UGT1A10: variants seen among roughly 807,000 people sequenced by gnomAD.
The protein encoded by UGT1A10 is UDP glucuronosyltransferase family 1 member A10, also known as UDP-glucuronosyltransferase 1A10.
Under a neutral mutation model 45.8 loss-of-function variants are expected in UGT1A10, and 49 were observed. That is an observed-to-expected ratio of 1.07 (90% CI 0.85 to 1.36). The LOEUF is 1.36. UGT1A10 is among the 40% of genes most tolerant of loss of function. The probability of loss-of-function intolerance (pLI) is 0.00; values close to 1 mark genes in which losing one functional copy is unlikely to be tolerated. For synonymous variants in UGT1A10, 284 were observed against 249.7 expected (o/e 1.14, Z -1.29); for missense variants, 745 against 668.6 (o/e 1.11, Z -1.26).
chr2:233,772,862 C>A lies in UGT1A10; in HGVS notation c.*303C>A. 1 of 682,608 alleles carries A rather than the reference C, an allele frequency of 1.5e-6. No homozygotes were observed. The highest frequency in any genetic ancestry group is 2.2e-6 in the Non-Finnish European group (1 of 464,492). 42.3% of individuals were successfully genotyped at this position (682,608 alleles called of 1,614,324 possible). A position where few individuals can be genotyped will look rare whatever the true frequency, so the allele number is the denominator to read the frequency against. On this transcript the variant is annotated 3_prime_UTR_variant, in exon 5 of 5. Coordinates refer to ENST00000344644, the MANE Select transcript of UGT1A10 (RefSeq NM_019075.4). ...TTACTTTTCTTACTCTGAAACATGGCCTGTTTGGGAGTGCGGGATTCAAAG... is the reference window on the plus strand; with the variant it reads ...TTACTTTTCTTACTCTGAAACATGGACTGTTTGGGAGTGCGGGATTCAAAG...
chr2:233,638,613 C>T (rs987978264), intron 1 of UGT1A10, among the ~76,000 whole-genome samples: 4 of 152,130 alleles, frequency 2.6e-5, no homozygotes, highest in East Asian at 1.9e-4. Flanking sequence ...TCTTGGCAAA[C>T]GCATAGTTGC....
At chr2:233,714,647 C>A (rs886443122) in intron 1 of UGT1A10, among the ~76,000 whole-genome samples, 1 of 152,174 alleles carries the variant, frequency 6.6e-6, no homozygotes, top group African/African-American at 2.4e-5. Flanking sequence ...GTGAATAATG[C>A]ATTTTATTTA....
chr2:233,728,571 T>C lies in UGT1A10; in HGVS notation c.856-38463T>C, dbSNP rs61764026. 1.2e-3 allele frequency among the ~76,000 whole-genome samples: 176 copies of C among 152,316 alleles called. 7 individuals carry two copies. The East Asian group carries it at 0.026, about 22-fold the overall frequency. ...CTGATCCTTACAAGAAATATCCTGGTGCGAAAAACGACCAAAACCACATAG... is the reference window on the plus strand; with the variant it reads ...CTGATCCTTACAAGAAATATCCTGGCGCGAAAAACGACCAAAACCACATAG... On this transcript the variant is annotated intron_variant, in intron 1 of 4. Coordinates refer to ENST00000344644, the MANE Select transcript of UGT1A10 (RefSeq NM_019075.4).
In UGT1A10 at chr2:233,767,949, G is replaced by A. The variant is rs569380768; in HGVS notation, c.1075+13G>A. 2 of 1,614,196 alleles carry A rather than the reference G, an allele frequency of 1.2e-6. No homozygotes were observed. Among genetic ancestry groups the A allele is most frequent in the East Asian group, 2.2e-5 (1 of 44,890 alleles). On this transcript the variant is annotated intron_variant, in intron 3 of 4. Coordinates refer to ENST00000344644, the MANE Select transcript of UGT1A10 (RefSeq NM_019075.4). ...AACGATCTGCTTGGTATGTTGGGCG[G>A]ATTGGATGTATAGGTCAAACCAGGG...
intron 1 of UGT1A10, among the ~76,000 whole-genome samples, chr2:233,685,269 G>A (rs2074731208): frequency 2.0e-5 from 3 of 152,132 alleles, no homozygotes; most frequent in Non-Finnish European, 4.4e-5. Context: ...CTGACCTCAA[G>A]TGATCCGCCC....
intron 1 of UGT1A10, among the ~76,000 whole-genome samples, chr2:233,712,196 T>C (rs2076218375): frequency 6.6e-6 from 1 of 152,214 alleles, no homozygotes; most frequent in Non-Finnish European, 1.5e-5. Flanking sequence ...GCTCCCCCGG[T>C]CCCTTGGTGA....
At chr2:233,698,965 A>G (rs2075473391) in intron 1 of UGT1A10, among the ~76,000 whole-genome samples, 1 of 152,180 alleles carries the variant, frequency 6.6e-6, no homozygotes, top group Admixed American at 6.5e-5. Context: ...GCCCTTGGGG[A>G]AGCCCTTTGG....
chr2:233,650,019 G>A (rs573374900), intron 1 of UGT1A10, among the ~76,000 whole-genome samples: 1 of 152,272 alleles, frequency 6.6e-6, no homozygotes, highest in East Asian at 1.9e-4. Context: ...TGTCGAGGCT[G>A]GGGTGCAATG....
intron 1 of UGT1A10, among the ~76,000 whole-genome samples, chr2:233,757,535 A>AATATATATACAT (rs376887521): frequency 1.6e-4 from 14 of 88,310 alleles, no homozygotes; most frequent in Middle Eastern, 5.7e-3. Flanking sequence ...GCCTGTAAGG[A>AATATATATACAT]ATATATATAT....
At chr2:233,661,631 CTTT>C (rs2073967792) in intron 1 of UGT1A10, among the ~76,000 whole-genome samples, 1 of 122,328 alleles carries the variant, frequency 8.2e-6, no homozygotes, top group African/African-American at 2.8e-5. Flanking sequence ...AATTTTCTTT[CTTT>C]CTTTCTTTCT....
chr2:233,712,982 T>C, intron 1 of UGT1A10: 2 of 1,613,208 alleles, frequency 1.2e-6, no homozygotes, highest in Non-Finnish European at 1.7e-6. Context: ...TGTCGGTGGC[T>C]TCTGCTGAGA....
At chr2:233,750,498 C>T (rs1361187436) in intron 1 of UGT1A10, 1 of 151,938 alleles carries the variant, frequency 6.6e-6, no homozygotes, top group Non-Finnish European at 1.5e-5. Flanking sequence ...TAAGGAGGAG[C>T]CAAATGTTAA....
chr2:233,695,370 C>G (rs1420827088), intron 1 of UGT1A10, among the ~76,000 whole-genome samples: 2 of 151,814 alleles, frequency 1.3e-5, no homozygotes, highest in African/African-American at 4.8e-5. Flanking sequence ...GTGGTCCGCC[C>G]ACCCCAGCCT....
chr2:233,744,010 C>T, intron 1 of UGT1A10: 1 of 1,130,886 alleles, frequency 8.8e-7, no homozygotes, highest in Non-Finnish European at 1.2e-6. Context: ...GAGACCTGGG[C>T]CGCCTGGAGA....
chr2:233,748,602 G>C (rs1484667450), intron 1 of UGT1A10, among the ~76,000 whole-genome samples: 1 of 151,816 alleles, frequency 6.6e-6, no homozygotes, highest in Non-Finnish European at 1.5e-5. Flanking sequence ...AGTGGAAGTA[G>C]AGCAACGAAC....
At chr2:233,642,846 CT>C (rs918515136) in intron 1 of UGT1A10, among the ~76,000 whole-genome samples, 8 of 152,166 alleles carry the variant, frequency 5.3e-5, no homozygotes, top group Non-Finnish European at 1.2e-4. Flanking sequence ...GCTTTCTTCC[CT>C]TACTTCCTCC....
intron 1 of UGT1A10, chr2:233,729,964 A>G: frequency 6.2e-7 from 1 of 1,614,074 alleles, no homozygotes; most frequent in East Asian, 2.2e-5. Context: ...TGGGGGCATC[A>G]ACTGTGCCAA....
chr2:233,717,558 G>A (rs1360566247), intron 1 of UGT1A10, among the ~76,000 whole-genome samples: 1 of 152,238 alleles, frequency 6.6e-6, no homozygotes, highest in Non-Finnish European at 1.5e-5. Context: ...AGCAATGGCA[G>A]ACATGGCCAG....
intron 1 of UGT1A10, chr2:233,682,174 C>T (rs1233717806): frequency 6.2e-7 from 1 of 1,614,200 alleles, no homozygotes; most frequent in Non-Finnish European, 8.5e-7. Flanking sequence ...CTTACTCAAC[C>T]TCATACACTC....
Sources: allele counts gnomAD v4.1 joint callset (sites outside exome capture counted in the v4.1 genomes callset), GRCh38; gene constraint gnomAD v4.1.1; transcripts MANE v1.5; gene names NCBI Gene and HGNC (gene_info 2026-07-23, HGNC 2026-07-21).